BCL11A: variants seen among roughly 807,000 people sequenced by gnomAD.
BCL11A encodes B cell CLL/lymphoma 11A.
Under a neutral mutation model 55.9 loss-of-function variants are expected in BCL11A, and 2 were observed. That is an observed-to-expected ratio of 0.04 (90% CI 0.01 to 0.11). The LOEUF (loss-of-function observed/expected upper bound fraction) is 0.11, where lower values mean the gene tolerates loss of function less well. BCL11A is among the 10% of genes least tolerant of loss of function. BCL11A has a pLI of 1.00. For missense variants in BCL11A, 817 were observed against 1,137.1 expected, an observed-to-expected ratio of 0.72 and a Z score of 4.05; for synonymous variants, 465 against 473.4, an observed-to-expected ratio of 0.98 and a Z score of 0.23.
At chr2:60,465,415 A>G (rs1036759145) in intron 3 of BCL11A, among the ~76,000 whole-genome samples, 3 of 152,248 alleles carry the variant, frequency 2.0e-5, no homozygotes, top group Non-Finnish European at 4.4e-5. Context: ...GATTTAGAGC[A>G]ATAAACTGAC....
At position 60,553,362 on chromosome 2, in the gene BCL11A, G is replaced by A. The variant is rs1454620379; in HGVS notation, c.-92C>T. ...ATCGGGAGAGCCGGGTTAGAAAGAA[G>A]GAGACTCCAGAGAAAATATCTTCAT... is the stretch of plus-strand genomic sequence containing the variant. On this transcript the variant is annotated 5_prime_UTR_variant, in exon 1 of 4. Coordinates refer to ENST00000642384, the MANE Select transcript of BCL11A (RefSeq NM_022893.4). 2 of 1,326,828 alleles carry A rather than the reference G, an allele frequency of 1.5e-6. No individual in the cohort carries two copies. The highest frequency in any genetic ancestry group is 2.5e-5 in the East Asian group (1 of 39,728). The allele number at this position is 1,326,828 out of a possible 1,614,324, so 82.2% of individuals were successfully genotyped here. A position where few individuals can be genotyped will look rare whatever the true frequency, so the allele number is the denominator to read the frequency against.
chr2:60,514,008 A>T (rs1668609197), intron 2 of BCL11A, among the ~76,000 whole-genome samples: 1 of 152,212 alleles, frequency 6.6e-6, no homozygotes, highest in Non-Finnish European at 1.5e-5. Flanking sequence ...TCAGAGAAGG[A>T]CAGACTTGAG....
At chr2:60,540,946 T>TTGTGTG (rs368895286) in intron 2 of BCL11A, among the ~76,000 whole-genome samples, 11,091 of 140,214 alleles carry the variant, frequency 0.079, 480 homozygotes, top group East Asian at 0.15. Context: ...AGCACTGGTT[T>TTGTGTG]TGTGTGTGTG....
Position 60,459,348 on chromosome 2 carries a change from A to G in BCL11A, c.*1056T>C. ...TTACTAGTGTATTTAATTGCGTTCC[A>G]GGGCTTTTGCACATTACACATTCAA... On this transcript the variant is annotated 3_prime_UTR_variant, in exon 4 of 4. Transcript: ENST00000642384. The G allele has an allele frequency of 2.0e-6, 2 of 1,019,214 alleles. No homozygotes were observed. The highest frequency in any genetic ancestry group is 2.4e-6 in the Non-Finnish European group (2 of 849,244). The allele number at this position is 1,019,214 out of a possible 1,614,324, so 63.1% of individuals were successfully genotyped here. A position where few individuals can be genotyped will look rare whatever the true frequency, so the allele number is the denominator to read the frequency against.
At chr2:60,507,334 GA>G (rs1679692347) in intron 2 of BCL11A, among the ~76,000 whole-genome samples, 1 of 11,800 alleles carries the variant, frequency 8.5e-5, no homozygotes, top group Admixed American at 6.9e-4. Context: ...GAAGGGAAGG[GA>G]AGGGAAGGGA....
chr2:60,505,397 T>C (rs775480662), intron 2 of BCL11A, among the ~76,000 whole-genome samples: 5 of 152,208 alleles, frequency 3.3e-5, no homozygotes, highest in Non-Finnish European at 5.9e-5. Flanking sequence ...TGAAATGTGT[T>C]GGAGCAGCTG....
chr2:60,550,761 C>T, intron 1 of BCL11A: 1 of 398,646 alleles, frequency 2.5e-6, no homozygotes, highest in Admixed American at 4.4e-5. Context: ...AGGGAGCAGC[C>T]TGGACTGCGC....
chr2:60,521,008 A>G (rs1668955065), intron 2 of BCL11A, among the ~76,000 whole-genome samples: 1 of 152,064 alleles, frequency 6.6e-6, no homozygotes, highest in Non-Finnish European at 1.5e-5. Flanking sequence ...TTGTCTAAAC[A>G]CTTTTTGGAA....
rs371548533 is a variant in BCL11A, at chr2:60,460,059, A to T, written c.*345T>A. The T allele has an allele frequency of 9.2e-7, 1 of 1,092,296 alleles. No homozygotes were observed. Among genetic ancestry groups the T allele is most frequent in the Non-Finnish European group, 1.1e-6 (1 of 897,758 alleles). 67.7% of individuals were successfully genotyped at this position (1,092,296 alleles called of 1,614,324 possible). On this transcript the variant is annotated 3_prime_UTR_variant, in exon 4 of 4. Transcript: ENST00000642384. ...TACATGCTGTCTAAGTTTAAAAAAAAACATACACAACATGTAAATTATTGC... is the reference window on the plus strand; with the variant it reads ...TACATGCTGTCTAAGTTTAAAAAAATACATACACAACATGTAAATTATTGC...
downstream of BCL11A, among the ~76,000 whole-genome samples, chr2:60,456,048 C>T (rs1675921573): frequency 6.6e-6 from 1 of 152,148 alleles, no homozygotes; most frequent in Non-Finnish European, 1.5e-5. Context: ...TCTCTCCTTC[C>T]CACCCAAACT....
At chr2:60,533,479 C>T (rs1160232601) in intron 2 of BCL11A, 2 of 152,174 alleles carry the variant, frequency 1.3e-5, no homozygotes, top group African/African-American at 2.4e-5. Flanking sequence ...GTTAGTGTTG[C>T]TTGTTTTGTT....
chr2:60,539,951 AGGAG>A lies in BCL11A; in HGVS notation c.385+6016_385+6019del, dbSNP rs538449278. ...TTACCTAGGTAGGAGAAAAGAACCA[AGGAG>A]GGAGGGAGACAACAGTCAATTTCCT... On this transcript the variant is annotated intron_variant, in intron 2 of 3. Transcript: ENST00000642384. 5.3e-5 allele frequency among the ~76,000 whole-genome samples: 8 copies of A among 152,278 alleles called. No individual in the cohort carries two copies. The South Asian group carries it at 1.5e-3, about 28-fold the overall frequency.
rs188125013 is a variant in BCL11A, at chr2:60,528,981, T to C, written c.385+16990A>G. ...CTCTCCCAACCAGCTAGCAGTAACA[T>C]AGAAATCTGAACCCAGAGTAACTGT... is the stretch of plus-strand genomic sequence containing the variant. On this transcript the variant is annotated intron_variant, in intron 2 of 3. Coordinates refer to ENST00000642384, the MANE Select transcript of BCL11A (RefSeq NM_022893.4). Among the ~76,000 whole-genome samples the C allele has an allele frequency of 2.1e-3, 313 of 152,182 alleles. 2 individuals are homozygous for C. The highest frequency in any genetic ancestry group is 7.0e-3 in the African/African-American group (289 of 41,510).
At position 60,460,851 on chromosome 2, in the gene BCL11A, C is replaced by G; in HGVS notation, c.2061G>C (p.Ser687=). ...GDSRQSPFAS[S]SEHSSENGSL... is the part of the protein sequence containing the mutation. ...TCCCGTTCTCCGAGGAGTGCTCCGACGAGGAGGCAAAAGGCGATTGTCTGG... is the reference window on the plus strand; with the variant it reads ...TCCCGTTCTCCGAGGAGTGCTCCGAGGAGGAGGCAAAAGGCGATTGTCTGG... Residue 687 remains serine, a synonymous_variant, in exon 4 of 4, where the codon TCG becomes TCC. Coordinates refer to ENST00000642384, the MANE Select transcript of BCL11A (RefSeq NM_022893.4). 6.2e-7 allele frequency: 1 copy of G among 1,613,004 alleles called. No homozygotes were observed. The highest frequency in any genetic ancestry group is 8.5e-7 in the Non-Finnish European group (1 of 1,180,004).
chr2:60,503,941 G>T (rs1017337596), intron 2 of BCL11A, among the ~76,000 whole-genome samples: 1 of 152,180 alleles, frequency 6.6e-6, no homozygotes, highest in African/African-American at 2.4e-5. Context: ...AGCAAGAAAT[G>T]CAGGAAAGGA....
chr2:60,488,761 TTTG>T (rs759330108), intron 2 of BCL11A, among the ~76,000 whole-genome samples: 5 of 152,166 alleles, frequency 3.3e-5, no homozygotes, highest in Non-Finnish European at 7.3e-5. Flanking sequence ...TGTTTGTTTG[TTTG>T]TTTTTTGTTT....
intron 2 of BCL11A, among the ~76,000 whole-genome samples, chr2:60,511,266 G>C (rs1055641882): frequency 6.6e-6 from 1 of 152,204 alleles, no homozygotes; most frequent in South Asian, 2.1e-4. Context: ...CTGAGAGCCC[G>C]GGATGCAGCC....
At chr2:60,521,465 T>C (rs1668990508) in intron 2 of BCL11A, among the ~76,000 whole-genome samples, 1 of 152,202 alleles carries the variant, frequency 6.6e-6, no homozygotes, top group Admixed American at 6.5e-5. Flanking sequence ...GGCTCCCCTG[T>C]GACGGGCTGC....
chr2:60,477,600 T>TAAAGAAAGAAAGAAAGAAAGAAAGAAAG lies in BCL11A; in HGVS notation c.386-8768_386-8767insCTTTCTTTCTTTCTTTCTTTCTTTCTTT, dbSNP rs10631738. On this transcript the variant is annotated intron_variant, in intron 2 of 3. Coordinates refer to ENST00000642384, the MANE Select transcript of BCL11A (RefSeq NM_022893.4). ...ATGTATCCCAGAACTTAGAGTAAAATAAATAAAGAAAGAAAGAAAGAAAGA... is the reference window on the plus strand; with the variant it reads ...ATGTATCCCAGAACTTAGAGTAAAATAAAGAAAGAAAGAAAGAAAGAAAGAAAGAAATAAAGAAAGAAAGAAAGAAAGA... Among the ~76,000 whole-genome samples the TAAAGAAAGAAAGAAAGAAAGAAAGAAAG allele has an allele frequency of 1.2e-3, 183 of 150,652 alleles. 1 individual carries two copies. The highest frequency in any genetic ancestry group is 4.1e-3 in the African/African-American group (170 of 41,198).
Sources: allele counts gnomAD v4.1 joint callset (sites outside exome capture counted in the v4.1 genomes callset), GRCh38; gene constraint gnomAD v4.1.1; transcripts MANE v1.5; gene names NCBI Gene and HGNC (gene_info 2026-07-23, HGNC 2026-07-21).